Variants in CCDC39 observed in about 807,000 individuals in gnomAD.
CCDC39 encodes the protein coiled-coil domain-containing protein 39.
Under a neutral mutation model 121.0 loss-of-function variants are expected in CCDC39, and 113 were observed. The observed-to-expected ratio is 0.93, with a 90% confidence interval of 0.80 to 1.09. CCDC39 has a LOEUF of 1.09. Ranked by LOEUF, CCDC39 falls within the 50% of genes least tolerant of loss-of-function variation. CCDC39 has a pLI of 0.00. For missense variants in CCDC39, 1,063 were observed against 1,074.7 expected (o/e 0.99, Z 0.15); for synonymous variants, 349 against 352.2 (o/e 0.99, Z 0.10).
intron 14 of CCDC39, among the ~76,000 whole-genome samples, chr3:180,623,035 T>TA (rs1268988131): frequency 6.6e-6 from 1 of 151,306 alleles, no homozygotes; most frequent in Non-Finnish European, 1.5e-5. Flanking sequence ...ATTTAGCTGT[T>TA]ACTACATCTT....
chr3:180,619,676 G>A (rs1445435921), intron 15 of CCDC39, 135 bp downstream of exon 15: 5 of 590,714 alleles, frequency 8.5e-6, no homozygotes, highest in African/African-American at 3.9e-5. Flanking sequence ...GTGGGGGGAG[G>A]AAAGAAAAGG....
chr3:180,673,330 G>T (rs79381693), intron 1 of CCDC39, among the ~76,000 whole-genome samples: 1 of 152,094 alleles, frequency 6.6e-6, no homozygotes, highest in Non-Finnish European at 1.5e-5. Flanking sequence ...CTGTTGATGC[G>T]GCAAAGTTCA....
intron 6 of CCDC39, 80 bp from the exon 7 acceptor site, chr3:180,655,033 A>G: frequency 1.1e-6 from 1 of 946,234 alleles, no homozygotes; most frequent in Non-Finnish European, 1.5e-6. Context: ...CTATTTTTCT[A>G]TTATTACATT....
chr3:180,665,646 C>T (rs1711855481), intron 1 of CCDC39, among the ~76,000 whole-genome samples: 1 of 151,670 alleles, frequency 6.6e-6, no homozygotes, highest in African/African-American at 2.4e-5. Context: ...ATTAAAAAGG[C>T]ATTTAAGGCT....
At chr3:180,650,179 G>A (rs541446593) in intron 9 of CCDC39, among the ~76,000 whole-genome samples, 9 of 152,236 alleles carry the variant, frequency 5.9e-5, no homozygotes, top group East Asian at 3.9e-4. Flanking sequence ...TTTCAAAGAC[G>A]AAGTGGTGCA....
chr3:180,623,524 A>G (rs1177962015), intron 14 of CCDC39, among the ~76,000 whole-genome samples: 1 of 151,598 alleles, frequency 6.6e-6, no homozygotes, highest in Admixed American at 6.6e-5. Context: ...TGTTTTGCTA[A>G]TTCCTTGAGG....
At chr3:180,655,848 G>A (rs1407383006) in intron 6 of CCDC39, among the ~76,000 whole-genome samples, 1 of 152,124 alleles carries the variant, frequency 6.6e-6, no homozygotes, top group Non-Finnish European at 1.5e-5. Context: ...AAGATTAGAT[G>A]TTGTTTTTAC....
rs1718206380 is a variant in CCDC39, at chr3:180,651,452, C to G, written c.1116G>C (p.Glu372Asp). ...GCATATCTTCCAAATTAGTAGCTTT[C>G]TCTTCTACAGACATGGTTTTCTCAG... is the stretch of plus-strand genomic sequence containing the variant. ...EITEKTMSVE[E>D]KATNLEDMLK... Residue 372 changes from glutamate to aspartate, a missense_variant, in exon 9 of 20, where the codon GAG becomes GAC. Transcript: ENST00000476379. 1 of 1,556,874 alleles carries G rather than the reference C, an allele frequency of 6.4e-7. No homozygotes were observed. The highest frequency in any genetic ancestry group is 2.4e-5 in the East Asian group (1 of 42,468).
chr3:180,671,884 G>A (rs73051793), intron 1 of CCDC39, among the ~76,000 whole-genome samples: 169 of 152,326 alleles, frequency 1.1e-3, no homozygotes, highest in African/African-American at 3.9e-3. Context: ...TACAAAGTGA[G>A]ATAGCAAGTT....
chr3:180,658,721 A>G (rs752105105), intron 6 of CCDC39, among the ~76,000 whole-genome samples: 45 of 152,148 alleles, frequency 3.0e-4, no homozygotes, highest in Non-Finnish European at 5.0e-4. Flanking sequence ...TGAAAATATA[A>G]CAACCAAAAG....
Position 180,677,152 on chromosome 3 carries a change from AATAATAATAATAATTTTATATATAT to A in CCDC39, c.90+2114_90+2138del, listed in dbSNP as rs1349180511. The stretch of plus-strand genomic sequence containing the variant: ...CTAAAACTTAAAGTATTATAATAAT[AATAATAATAATAATTTTATATATAT>A]ATATATATATATATATATATATATA... On this transcript the variant is annotated intron_variant, in intron 1 of 19. Coordinates refer to ENST00000476379, the MANE Select transcript of CCDC39 (RefSeq NM_181426.2). Among the ~76,000 whole-genome samples, 219 of 115,010 alleles carry A rather than the reference AATAATAATAATAATTTTATATATAT, an allele frequency of 1.9e-3. 4 individuals are homozygous for A. Among genetic ancestry groups the A allele is most frequent in the African/African-American group, 7.1e-3 (210 of 29,540 alleles). The allele number at this position is 115,010 out of a possible 152,430, so 75.5% of individuals were successfully genotyped here. A position where few individuals can be genotyped will look rare whatever the true frequency, so the allele number is the denominator to read the frequency against.
chr3:180,640,650 G>A (rs1717933681), intron 13 of CCDC39, among the ~76,000 whole-genome samples: 2 of 151,852 alleles, frequency 1.3e-5, no homozygotes, highest in Non-Finnish European at 1.5e-5. Context: ...ATAAACAACT[G>A]TATGGCAATA....
rs772234860 is a variant in CCDC39, at chr3:180,619,767, T to C, written c.2158+44A>G. ...CACAGTGTTCCTTTTAACTATACAC[T>C]CGTCACTGTATATATGTATAAAAAA... On this transcript the variant is annotated intron_variant, in intron 15 of 19. Coordinates refer to ENST00000476379, the MANE Select transcript of CCDC39 (RefSeq NM_181426.2). 11 of 1,163,092 alleles carry C rather than the reference T, an allele frequency of 9.5e-6. No individual in the cohort carries two copies. The South Asian group carries it at 2.1e-4, about 22-fold the overall frequency. 72.0% of individuals were successfully genotyped at this position (1,163,092 alleles called of 1,614,324 possible). A position where few individuals can be genotyped will look rare whatever the true frequency, so the allele number is the denominator to read the frequency against.
At chr3:180,676,539 T>C (rs1404585263) in intron 1 of CCDC39, among the ~76,000 whole-genome samples, 1 of 152,236 alleles carries the variant, frequency 6.6e-6, no homozygotes, top group Non-Finnish European at 1.5e-5. Flanking sequence ...TTTTACACTG[T>C]TGGTGGGACT....
At chr3:180,622,892 G>A (rs894424084) in intron 14 of CCDC39, among the ~76,000 whole-genome samples, 1 of 151,678 alleles carries the variant, frequency 6.6e-6, no homozygotes, top group African/African-American at 2.4e-5. Context: ...TTTTTGTGTT[G>A]TGTCCTTGTC....
At position 180,616,945 on chromosome 3, in the gene CCDC39, C is replaced by T. The variant is rs1717270166; in HGVS notation, c.2287G>A (p.Val763Ile). Residue 763 changes from valine (V) to isoleucine (I), a missense_variant, in exon 17 of 20, where the codon GTT becomes ATT. Physicochemically the swap from Val to Ile is conservative, Grantham distance 29 (BLOSUM62 3). Coordinates refer to ENST00000476379, the MANE Select transcript of CCDC39 (RefSeq NM_181426.2). ...ACATTATTTGCCAAATGTTCTATAA[C>T]ATCTAATGTATTTTCCATGCTCTGT... is the stretch of plus-strand genomic sequence containing the variant. Reference protein sequence around the residue: ...DIQSMENTLDVIEHLANNVKE... With the variant: ...DIQSMENTLDIIEHLANNVKE... The T allele has an allele frequency of 2.8e-6, 4 of 1,440,248 alleles. No individual in the cohort carries two copies. The highest frequency in any genetic ancestry group is 3.8e-6 in the Non-Finnish European group (4 of 1,045,796). 89.2% of individuals were successfully genotyped at this position (1,440,248 alleles called of 1,614,324 possible). A position where few individuals can be genotyped will look rare whatever the true frequency, so the allele number is the denominator to read the frequency against.
At chr3:180,678,528 G>A (rs182402439) in intron 1 of CCDC39, among the ~76,000 whole-genome samples, 1 of 151,812 alleles carries the variant, frequency 6.6e-6, no homozygotes, top group Admixed American at 6.6e-5. Context: ...GTAGAGACGC[G>A]GTGGGAGGGG....
At chr3:180,654,221 C>CAAA (rs76424115) in intron 7 of CCDC39, among the ~76,000 whole-genome samples, 5,603 of 44,234 alleles carry the variant, frequency 0.13, 156 homozygotes, top group East Asian at 0.23. Context: ...TAGCCACACG[C>CAAA]AAAAAAAAAA....
intron 10 of CCDC39, 32 bp from the exon 11 acceptor site, chr3:180,647,275 A>G (rs201586166): frequency 7.3e-6 from 11 of 1,500,180 alleles, no homozygotes; most frequent in Non-Finnish European, 9.8e-6. Flanking sequence ...AAGGTATTAC[A>G]AAGAAAAAAA....
Sources: gnomAD v4.1 joint callset for allele counts (sites outside exome capture counted in the v4.1 genomes callset) on GRCh38, gnomAD v4.1.1 for gene constraint, MANE v1.5 for transcripts, NCBI Gene and HGNC (gene_info 2026-07-23, HGNC 2026-07-21) for gene names.